FTO: variants seen among roughly 807,000 people sequenced by gnomAD.
FTO encodes the protein alpha-ketoglutarate-dependent dioxygenase FTO.
Under a neutral mutation model 63.9 loss-of-function variants are expected in FTO, and 47 were observed. That is an observed-to-expected ratio of 0.74 (90% confidence interval 0.58 to 0.94). The LOEUF (loss-of-function observed/expected upper bound fraction) is 0.94. FTO is among the 40% of genes least tolerant of loss of function. FTO has a pLI of 0.00. For missense variants in FTO, 562 were observed against 618.1 expected (o/e 0.91, Z 0.96); for synonymous variants, 207 against 224.4 (o/e 0.92, Z 0.69).
chr16:53,741,709 A>G (rs1405131847), intron 1 of FTO, among the ~76,000 whole-genome samples: 1 of 152,024 alleles, frequency 6.6e-6, no homozygotes, highest in Non-Finnish European at 1.5e-5. Context: ...GGGTGACTAA[A>G]CTCTGTTATT....
chr16:53,950,160 A>AAAAAAAAAAAAACCAAAAAAAAAAAAAAC (rs2082745780), intron 8 of FTO, among the ~76,000 whole-genome samples: 1 of 115,620 alleles, frequency 8.6e-6, no homozygotes, highest in Non-Finnish European at 1.9e-5. Flanking sequence ...ATTTGTAAAA[A>AAAAAAAAAAAAACCAAAAAAAAAAAAAAC]AAAAAAAAAA....
chr16:53,941,832 G>A (rs575019962), intron 8 of FTO, among the ~76,000 whole-genome samples: 13 of 152,342 alleles, frequency 8.5e-5, no homozygotes, highest in Admixed American at 4.6e-4. Context: ...GGGTGACAGA[G>A]CAAGACCCTG....
intron 3 of FTO, among the ~76,000 whole-genome samples, chr16:53,840,275 G>A (rs2079437141): frequency 6.6e-6 from 1 of 151,796 alleles, no homozygotes; most frequent in Admixed American, 6.6e-5. Context: ...CAAGTCTTGG[G>A]TTATCACAAA....
chr16:53,886,834 T>C (rs1263674785), intron 6 of FTO: 1 of 152,220 alleles, frequency 6.6e-6, no homozygotes, highest in Non-Finnish European at 1.5e-5. Flanking sequence ...AAAAATTCTT[T>C]GCGGTAACAG....
chr16:53,770,179 T>C (rs2077301881), intron 1 of FTO, among the ~76,000 whole-genome samples: 2 of 152,222 alleles, frequency 1.3e-5, no homozygotes, highest in Non-Finnish European at 2.9e-5. Context: ...GCTTATAAAA[T>C]GGAGCCTTAT....
At chr16:53,918,452 G>A (rs902525022) in intron 7 of FTO, among the ~76,000 whole-genome samples, 12 of 152,260 alleles carry the variant, frequency 7.9e-5, no homozygotes, top group South Asian at 4.2e-4. Flanking sequence ...ATAATCTTAT[G>A]AGACCACTGT....
intron 8 of FTO, among the ~76,000 whole-genome samples, chr16:54,005,798 C>T (rs1053330892): frequency 3.3e-5 from 5 of 152,198 alleles, no homozygotes; most frequent in Non-Finnish European, 5.9e-5. Flanking sequence ...TTTATCATTT[C>T]AAAGGCAAAG....
chr16:53,891,748 T>C lies in FTO; in HGVS notation c.1239+2797T>C, dbSNP rs1171524809. Among the ~76,000 whole-genome samples the C allele has an allele frequency of 2.6e-5, 4 of 152,368 alleles. No individual in the cohort carries two copies. In the East Asian group the frequency reaches 7.7e-4, roughly 29 times the overall value. ...TTATGAATTCATTTAAGGAATTTAG[T>C]TATATCTATGTAAATTTGTGTATAA... On this transcript the variant is annotated intron_variant, in intron 7 of 8. Transcript: ENST00000471389.
At chr16:53,819,477 A>AT (rs1272453470) in intron 2 of FTO, among the ~76,000 whole-genome samples, 1 of 151,916 alleles carries the variant, frequency 6.6e-6, no homozygotes, top group Non-Finnish European at 1.5e-5. Context: ...CAGGCAGTTA[A>AT]TTTTTTTATG....
intron 8 of FTO, among the ~76,000 whole-genome samples, chr16:54,068,968 C>T (rs1376346585): frequency 6.6e-6 from 1 of 152,172 alleles, no homozygotes; most frequent in Non-Finnish European, 1.5e-5. Context: ...GCTGAAGTAT[C>T]GTTTCCATCT....
intron 8 of FTO, among the ~76,000 whole-genome samples, chr16:53,967,702 C>T (rs938263131): frequency 1.3e-5 from 2 of 152,176 alleles, no homozygotes; most frequent in East Asian, 1.9e-4. Flanking sequence ...TTTGTCGAGA[C>T]TGTGGGTTTT....
chr16:53,948,077 G>C (rs2082691361), intron 8 of FTO, among the ~76,000 whole-genome samples: 1 of 152,224 alleles, frequency 6.6e-6, no homozygotes, highest in African/African-American at 2.4e-5. Context: ...TAAAGTAAGA[G>C]AGCCATTCCC....
At chr16:53,801,321 C>T (rs577411588) in intron 1 of FTO, among the ~76,000 whole-genome samples, 42 of 151,918 alleles carry the variant, frequency 2.8e-4, no homozygotes, top group Admixed American at 2.0e-3. Context: ...TACTGTGCTT[C>T]ACATGTAGCA....
chr16:54,107,535 G>T (rs183722697), intron 8 of FTO, among the ~76,000 whole-genome samples: 10 of 152,244 alleles, frequency 6.6e-5, no homozygotes, highest in African/African-American at 2.2e-4. Flanking sequence ...GTTTTCATGG[G>T]TTCATACCCA....
intron 1 of FTO, among the ~76,000 whole-genome samples, chr16:53,757,995 G>A (rs1315879040): frequency 6.6e-6 from 1 of 152,062 alleles, no homozygotes. Flanking sequence ...CTTTCTTTAG[G>A]ATAACAAAAA....
At chr16:53,747,886 T>C (rs1268187049) in intron 1 of FTO, among the ~76,000 whole-genome samples, 1 of 152,186 alleles carries the variant, frequency 6.6e-6, no homozygotes, top group African/African-American at 2.4e-5. Context: ...TGCATATGGA[T>C]ATCCAGTTTT....
At chr16:53,827,669 T>A (rs966249918) in intron 3 of FTO, among the ~76,000 whole-genome samples, 1 of 152,242 alleles carries the variant, frequency 6.6e-6, no homozygotes, top group African/African-American at 2.4e-5. Context: ...ATGTCTTCAG[T>A]CTGAAACAAG....
intron 8 of FTO, among the ~76,000 whole-genome samples, chr16:54,075,296 T>G (rs2085966241): frequency 6.6e-6 from 1 of 152,130 alleles, no homozygotes; most frequent in South Asian, 2.1e-4. Flanking sequence ...TTAACGTACT[T>G]TTTACTTTTA....
chr16:53,792,295 G>T (rs989720287), intron 1 of FTO, among the ~76,000 whole-genome samples: 1 of 152,062 alleles, frequency 6.6e-6, no homozygotes, highest in African/African-American at 2.4e-5. Flanking sequence ...AGTAGCTAAG[G>T]GATTTTTGTT....
Sources: allele counts gnomAD v4.1 joint callset (sites outside exome capture counted in the v4.1 genomes callset), GRCh38; gene constraint gnomAD v4.1.1; transcripts MANE v1.5; gene names NCBI Gene and HGNC (gene_info 2026-07-23, HGNC 2026-07-21).